Variants in KCNN2 observed in about 807,000 individuals in gnomAD.
KCNN2 encodes potassium calcium-activated channel subfamily N member 2, also known as small conductance calcium-activated potassium channel protein 2.
A neutral mutation model predicts 55.5 loss-of-function variants in KCNN2; 24 were observed. That is an observed-to-expected ratio of 0.43 (90% confidence interval 0.31 to 0.61). The LOEUF is 0.61. Among genes scored for constraint, KCNN2 ranks in the 20% least tolerant of loss-of-function variants. The pLI is 0.08. For missense variants in KCNN2, 754 were observed against 853.6 expected (o/e 0.88, Z 1.45); for synonymous variants, 431 against 336.1 (o/e 1.28, Z -3.09).
chr5:114,445,275 A>G (rs1022364666), intron 3 of KCNN2, among the ~76,000 whole-genome samples: 2 of 152,226 alleles, frequency 1.3e-5, no homozygotes, highest in Non-Finnish European at 2.9e-5. Flanking sequence ...CTTTAATATG[A>G]TAAAAGCAAA....
chr5:114,410,058 C>A (rs1759083327), intron 3 of KCNN2, among the ~76,000 whole-genome samples: 1 of 152,180 alleles, frequency 6.6e-6, no homozygotes, highest in South Asian at 2.1e-4. Context: ...AGAACACTGT[C>A]CTCTTAAGCA....
At chr5:114,361,706 G>C (rs537828133), upstream of KCNN2, among the ~76,000 whole-genome samples, 10 of 152,176 alleles carry the variant, frequency 6.6e-5, no homozygotes, top group African/African-American at 2.2e-4. Flanking sequence ...CGGGCAGCGC[G>C]TCCGGCACTA....
At chr5:114,304,459 T>C (rs1291016160) in intron 2 of KCNN2, among the ~76,000 whole-genome samples, 1 of 152,214 alleles carries the variant, frequency 6.6e-6, no homozygotes, top group Non-Finnish European at 1.5e-5. Flanking sequence ...GCGAATCTTA[T>C]AATATCCAGC....
At chr5:114,348,430 A>G (rs1840983) in intron 2 of KCNN2, among the ~76,000 whole-genome samples, 5,382 of 152,024 alleles carry the variant, frequency 0.035, 287 homozygotes, top group African/African-American at 0.12. Flanking sequence ...AATAATAATA[A>G]TAATAAAAAG....
At chr5:114,477,656 G>A (rs1232054192) in intron 5 of KCNN2, among the ~76,000 whole-genome samples, 1 of 152,068 alleles carries the variant, frequency 6.6e-6, no homozygotes, top group Admixed American at 6.6e-5. Context: ...TATTTACCAT[G>A]CAATATCTTT....
At chr5:114,119,650 C>T (rs981245307) in intron 1 of KCNN2, among the ~76,000 whole-genome samples, 4 of 152,154 alleles carry the variant, frequency 2.6e-5, no homozygotes, top group Non-Finnish European at 5.9e-5. Context: ...TGATCACACC[C>T]TCCCTTTTCT....
intron 1 of KCNN2, among the ~76,000 whole-genome samples, chr5:114,114,290 G>C: frequency 6.6e-6 from 1 of 152,202 alleles, no homozygotes; most frequent in East Asian, 1.9e-4. Context: ...ATGCAGTGCT[G>C]CAATCATAGC....
intron 1 of KCNN2, among the ~76,000 whole-genome samples, chr5:114,149,187 T>C (rs1012727643): frequency 2.0e-5 from 3 of 152,088 alleles, no homozygotes; most frequent in African/African-American, 7.2e-5. Flanking sequence ...AATGTGATTG[T>C]CCCATAATAA....
At chr5:114,161,103 T>C (rs1752767950) in intron 1 of KCNN2, among the ~76,000 whole-genome samples, 3 of 152,236 alleles carry the variant, frequency 2.0e-5, no homozygotes, top group Admixed American at 6.5e-5. Context: ...CTAGCCTTGA[T>C]GGTTTTCACA....
intron 2 of KCNN2, among the ~76,000 whole-genome samples, chr5:114,303,496 C>T (rs907438767): frequency 1.3e-5 from 2 of 152,140 alleles, no homozygotes; most frequent in Non-Finnish European, 2.9e-5. Context: ...TATAAAGGCA[C>T]GCAGAGGCCA....
At chr5:114,254,824 T>C (rs1468651789) in intron 2 of KCNN2, among the ~76,000 whole-genome samples, 1 of 152,196 alleles carries the variant, frequency 6.6e-6, no homozygotes, top group Non-Finnish European at 1.5e-5. Flanking sequence ...AAATGAAATC[T>C]GTTCATTCAC....
intron 1 of KCNN2, among the ~76,000 whole-genome samples, chr5:114,167,881 G>A (rs1373600655): frequency 6.6e-6 from 1 of 152,024 alleles, no homozygotes; most frequent in Non-Finnish European, 1.5e-5. Context: ...ACAGATCAAT[G>A]TGTAAGTTTT....
intron 1 of KCNN2, among the ~76,000 whole-genome samples, chr5:114,059,654 T>G (rs1750285367): frequency 6.6e-6 from 1 of 152,156 alleles, no homozygotes; most frequent in Non-Finnish European, 1.5e-5. Flanking sequence ...GGCTGTGTTG[T>G]TTTCAATCCC....
intron 2 of KCNN2, among the ~76,000 whole-genome samples, chr5:114,270,566 CAT>C (rs1252534597): frequency 1.3e-5 from 2 of 152,244 alleles, no homozygotes; most frequent in Non-Finnish European, 2.9e-5. Flanking sequence ...GATATATTAA[CAT>C]ATGAAGCTGA....
At chr5:114,216,281 T>G (rs529755016) in intron 1 of KCNN2, among the ~76,000 whole-genome samples, 6 of 152,144 alleles carry the variant, frequency 3.9e-5, no homozygotes, top group Admixed American at 3.9e-4. Flanking sequence ...GGTATTTACA[T>G]TGGACTAACG....
chr5:114,418,846 C>T lies in KCNN2; in HGVS notation c.1637+13990C>T, dbSNP rs920633419. Among the ~76,000 whole-genome samples the T allele has an allele frequency of 3.9e-5, 6 of 152,314 alleles. No homozygotes were observed. In the East Asian group the frequency reaches 5.8e-4, roughly 15 times the overall value. ...TTGGAAATGCACTCTGCAGATGCTGCTCACTAAGGTCTGCAGAACTTCTGC... is the reference window on the plus strand; with the variant it reads ...TTGGAAATGCACTCTGCAGATGCTGTTCACTAAGGTCTGCAGAACTTCTGC... On this transcript the variant is annotated intron_variant, in intron 3 of 7. Coordinates refer to ENST00000673685, the MANE Select transcript of KCNN2 (RefSeq NM_021614.4).
At chr5:114,481,356 A>T (rs1042909638) in intron 5 of KCNN2, among the ~76,000 whole-genome samples, 1 of 152,150 alleles carries the variant, frequency 6.6e-6, no homozygotes, top group Admixed American at 6.5e-5. Context: ...AAAGGACACA[A>T]ACAAATTGGG....
At chr5:114,272,263 T>C (rs1197088650) in intron 2 of KCNN2, among the ~76,000 whole-genome samples, 2 of 151,704 alleles carry the variant, frequency 1.3e-5, no homozygotes, top group African/African-American at 4.9e-5. Context: ...TACACACATA[T>C]ATGTATGTAC....
intron 2 of KCNN2, among the ~76,000 whole-genome samples, chr5:114,395,255 T>TC (rs1234455837): frequency 6.6e-6 from 1 of 152,170 alleles, no homozygotes; most frequent in East Asian, 1.9e-4. Flanking sequence ...CAGTGCTAAC[T>TC]AATCTATGAT....
Sources: allele counts gnomAD v4.1 joint callset (sites outside exome capture counted in the v4.1 genomes callset), GRCh38; gene constraint gnomAD v4.1.1; transcripts MANE v1.5; gene names NCBI Gene and HGNC (gene_info 2026-07-23, HGNC 2026-07-21).